The following KCNQ3 variants were observed in gnomAD, a reference collection of about 807,000 sequenced individuals.
KCNQ3 encodes potassium voltage-gated channel subfamily KQT member 3.
In KCNQ3, 30 loss-of-function variants were observed where a neutral mutation model predicts 92.5. That is an observed-to-expected ratio of 0.32 (90% confidence interval 0.24 to 0.44). KCNQ3 has a LOEUF of 0.44. KCNQ3 is among the 20% of genes least tolerant of loss of function. The pLI is 1.00. For missense variants in KCNQ3, 913 were observed against 1,140.3 expected (o/e 0.80, Z 2.87); for synonymous variants, 450 against 468.8 (o/e 0.96, Z 0.52).
At chr8:132,406,023 G>T (rs192491204) in intron 1 of KCNQ3, among the ~76,000 whole-genome samples, 1 of 152,132 alleles carries the variant, frequency 6.6e-6, no homozygotes, top group South Asian at 2.1e-4. Flanking sequence ...GTGTGTGTGT[G>T]GGTGACTTAA....
chr8:132,243,064 T>A (rs568427217), intron 1 of KCNQ3, among the ~76,000 whole-genome samples: 1 of 152,308 alleles, frequency 6.6e-6, no homozygotes, highest in Non-Finnish European at 1.5e-5. Context: ...GAAGGAACCC[T>A]AGCAGCAGTG....
intron 1 of KCNQ3, among the ~76,000 whole-genome samples, chr8:132,305,626 C>T (rs546662270): frequency 2.0e-5 from 3 of 152,238 alleles, no homozygotes; most frequent in African/African-American, 7.2e-5. Flanking sequence ...GCTTTCCATG[C>T]CTCACTCTGT....
At chr8:132,168,717 ATGTG>A (rs568659056) in intron 8 of KCNQ3, among the ~76,000 whole-genome samples, 1,840 of 108,278 alleles carry the variant, frequency 0.017, 29 homozygotes, top group East Asian at 0.093. Flanking sequence ...GATAATGAAT[ATGTG>A]TGTGTGTGTG....
chr8:132,177,418 T>C (rs566628577), intron 4 of KCNQ3, among the ~76,000 whole-genome samples: 35 of 152,342 alleles, frequency 2.3e-4, no homozygotes, highest in African/African-American at 7.7e-4. Flanking sequence ...GCTAAGGGAC[T>C]GGGGTCCAGC....
chr8:132,160,035 A>G (rs1284336017), intron 9 of KCNQ3, among the ~76,000 whole-genome samples: 1 of 152,198 alleles, frequency 6.6e-6, no homozygotes, highest in Non-Finnish European at 1.5e-5. Context: ...CTTAATATAT[A>G]TAACAGGCAA....
chr8:132,449,529 C>A (rs1444874181), intron 1 of KCNQ3, among the ~76,000 whole-genome samples: 2 of 152,084 alleles, frequency 1.3e-5, no homozygotes, highest in Non-Finnish European at 2.9e-5. Context: ...TCAGCCACTC[C>A]CTTTTCCCAC....
intron 1 of KCNQ3, among the ~76,000 whole-genome samples, chr8:132,282,891 A>G (rs944913349): frequency 3.3e-5 from 5 of 152,192 alleles, no homozygotes; most frequent in Non-Finnish European, 1.5e-5. Context: ...ACAGGGTCCC[A>G]ACAAAGTGTG....
rs1824471912 is a variant in KCNQ3, at chr8:132,121,630, G to A, written c.*7632C>T. 1 of 152,212 alleles carries A rather than the reference G, an allele frequency of 6.6e-6. No homozygotes were observed. The highest frequency in any genetic ancestry group is 1.5e-5 in the Non-Finnish European group (1 of 68,042). 9.4% of individuals were successfully genotyped at this position (152,212 alleles called of 1,614,324 possible). A position where few individuals can be genotyped will look rare whatever the true frequency, so the allele number is the denominator to read the frequency against. ...TGATCTTTTAATACTGAGAAAGAGA[G>A]ACACAACTGTTCTGAGCTTTTGGCC... On this transcript the variant is annotated 3_prime_UTR_variant, in exon 15 of 15. Transcript: ENST00000388996.
At chr8:132,385,923 A>G (rs2130762336) in intron 1 of KCNQ3, among the ~76,000 whole-genome samples, 1 of 148,834 alleles carries the variant, frequency 6.7e-6, no homozygotes, top group South Asian at 2.1e-4. Flanking sequence ...TCCTTAAAAC[A>G]CTCTATCCGG....
At chr8:132,408,842 G>A (rs567576733) in intron 1 of KCNQ3, among the ~76,000 whole-genome samples, 5 of 152,192 alleles carry the variant, frequency 3.3e-5, no homozygotes, top group South Asian at 2.1e-4. Flanking sequence ...ACAAGGCCTC[G>A]GTCCTACAAC....
At chr8:132,461,589 G>A (rs1822063383) in intron 1 of KCNQ3, among the ~76,000 whole-genome samples, 2 of 152,140 alleles carry the variant, frequency 1.3e-5, no homozygotes, top group South Asian at 4.2e-4. Context: ...GAAAAGAAAA[G>A]GCACCCACTG....
At chr8:132,404,743 A>C (rs1166727762) in intron 1 of KCNQ3, among the ~76,000 whole-genome samples, 4 of 152,242 alleles carry the variant, frequency 2.6e-5, no homozygotes, top group African/African-American at 9.6e-5. Context: ...TAGTCACTGC[A>C]GTTCTACCAG....
At chr8:132,312,891 T>C (rs528835478) in intron 1 of KCNQ3, among the ~76,000 whole-genome samples, 1 of 152,356 alleles carries the variant, frequency 6.6e-6, no homozygotes, top group South Asian at 2.1e-4. Flanking sequence ...CAGGCAGTTC[T>C]TTATAGCAGT....
At chr8:132,148,592 G>T (rs1226126206) in intron 9 of KCNQ3, among the ~76,000 whole-genome samples, 5 of 152,250 alleles carry the variant, frequency 3.3e-5, no homozygotes, top group Admixed American at 3.3e-4. Context: ...CTTCATTTCT[G>T]GATGTGTCTG....
chr8:132,317,135 G>C (rs1817767045), intron 1 of KCNQ3, among the ~76,000 whole-genome samples: 1 of 152,114 alleles, frequency 6.6e-6, no homozygotes, highest in East Asian at 1.9e-4. Context: ...GATATGAAAT[G>C]GTTTATGTGG....
intron 1 of KCNQ3, among the ~76,000 whole-genome samples, chr8:132,465,278 T>G (rs928033110): frequency 8.5e-5 from 13 of 152,212 alleles, no homozygotes; most frequent in Non-Finnish European, 1.8e-4. Flanking sequence ...TTAGTTAAGA[T>G]TCTTCATTCT....
At chr8:132,399,561 C>A (rs1820282872) in intron 1 of KCNQ3, among the ~76,000 whole-genome samples, 1 of 152,198 alleles carries the variant, frequency 6.6e-6, no homozygotes, top group African/African-American at 2.4e-5. Context: ...TGTATAACTC[C>A]TTACATTGTC....
At chr8:132,141,544 CTT>C (rs1423386634) in intron 9 of KCNQ3, among the ~76,000 whole-genome samples, 3 of 152,208 alleles carry the variant, frequency 2.0e-5, no homozygotes, top group Non-Finnish European at 4.4e-5. Flanking sequence ...CTGGGCAAGA[CTT>C]CTCTGAATGT....
At chr8:132,422,530 C>T (rs1444013360) in intron 1 of KCNQ3, among the ~76,000 whole-genome samples, 2 of 152,200 alleles carry the variant, frequency 1.3e-5, no homozygotes, top group Non-Finnish European at 2.9e-5. Flanking sequence ...CTCCTCTGGC[C>T]TTCCTTTAGT....
Sources: allele counts gnomAD v4.1 joint callset (sites outside exome capture counted in the v4.1 genomes callset), GRCh38; gene constraint gnomAD v4.1.1; transcripts MANE v1.5; gene names NCBI Gene and HGNC (gene_info 2026-07-23, HGNC 2026-07-21).